RELN: variants seen among roughly 807,000 people sequenced by gnomAD.
RELN encodes the protein reelin.
A neutral mutation model predicts 427.6 loss-of-function variants in RELN; 108 were observed. The observed-to-expected ratio is 0.25, with a 90% CI of 0.22 to 0.30. The LOEUF (loss-of-function observed/expected upper bound fraction) is 0.30. Among genes scored for constraint, RELN ranks in the 10% least tolerant of loss-of-function variants. RELN has a pLI of 1.00. For missense variants in RELN, 3,715 were observed against 4,302.8 expected (o/e 0.86, Z 3.82); for synonymous variants, 1,524 against 1,513.4 (o/e 1.01, Z -0.16).
intron 36 of RELN, among the ~76,000 whole-genome samples, chr7:103,558,695 C>G (rs1830577380): frequency 6.6e-6 from 1 of 152,150 alleles, no homozygotes; most frequent in African/African-American, 2.4e-5. Context: ...TTCTGGTTGC[C>G]TAGGATTGAC....
rs1794957508 is a variant in RELN at position 103,896,247 on chromosome 7, A to AT, written c.337+20827dup. Reference sequence around the variant, plus strand: ...TGGTGAGTGTGTTAAAAGGTACACCATTTTGAAAAAGAAGTCTGGTAGTTT... The same window carrying AT: ...TGGTGAGTGTGTTAAAAGGTACACCATTTTTGAAAAAGAAGTCTGGTAGTTT... On this transcript the variant is annotated intron_variant, in intron 2 of 64. Coordinates refer to ENST00000428762, the MANE Select transcript of RELN (RefSeq NM_005045.4). Among the ~76,000 whole-genome samples, 4 of 152,222 alleles carry AT rather than the reference A, an allele frequency of 2.6e-5. No homozygotes were observed. The South Asian group carries it at 8.3e-4, about 32-fold the overall frequency.
chr7:103,783,563 T>C (rs988152121), intron 3 of RELN, among the ~76,000 whole-genome samples: 1 of 152,218 alleles, frequency 6.6e-6, no homozygotes, highest in Admixed American at 6.5e-5. Flanking sequence ...AAATACTTTA[T>C]CTCCTTGAAA....
chr7:103,515,092 G>A (rs1829526800), intron 50 of RELN, 93 bp downstream of exon 50: 19 of 1,498,066 alleles, frequency 1.3e-5, no homozygotes, highest in Non-Finnish European at 1.8e-5. Context: ...TGGAACATCT[G>A]AAAAGGTTCC....
At chr7:103,589,944 G>T (rs1343058079) in intron 27 of RELN, 116 bp from the exon 28 acceptor site, 14 of 719,268 alleles carry the variant, frequency 1.9e-5, no homozygotes, top group Non-Finnish European at 3.3e-5. Context: ...AATTTACAAT[G>T]ATAGGAATTG....
At chr7:103,619,635 G>A (rs923082178) in intron 20 of RELN, among the ~76,000 whole-genome samples, 16 of 152,198 alleles carry the variant, frequency 1.1e-4, no homozygotes, top group Admixed American at 5.2e-4. Flanking sequence ...GAAAATGCGC[G>A]TCAGCTGGAG....
At chr7:103,812,045 T>C (rs1315296363) in intron 3 of RELN, among the ~76,000 whole-genome samples, 1 of 152,202 alleles carries the variant, frequency 6.6e-6, no homozygotes, top group Non-Finnish European at 1.5e-5. Flanking sequence ...TAAAAATAGA[T>C]AGCTGTGGCC....
chr7:103,579,324 C>T (rs909103100), intron 28 of RELN, among the ~76,000 whole-genome samples: 24 of 152,132 alleles, frequency 1.6e-4, no homozygotes, highest in Admixed American at 1.4e-3. Flanking sequence ...ATAGGCCAGG[C>T]GCAGTGGCTC....
chr7:103,676,829 A>G (rs1196249939), intron 11 of RELN, among the ~76,000 whole-genome samples: 1 of 151,888 alleles, frequency 6.6e-6, no homozygotes. Flanking sequence ...CATAGATGGG[A>G]ATTGAACAAT....
At chr7:103,506,626 A>T (rs1455888924) in intron 51 of RELN, among the ~76,000 whole-genome samples, 1 of 142,222 alleles carries the variant, frequency 7.0e-6, no homozygotes, top group Non-Finnish European at 1.5e-5. Flanking sequence ...TGTAAAGACC[A>T]TTGATGCTTT....
chr7:103,503,252 TC>T, intron 51 of RELN, 22 bp from the exon 52 acceptor site: 1 of 1,605,922 alleles, frequency 6.2e-7, no homozygotes, highest in African/African-American at 1.3e-5. Context: ...AAAAACAAGA[TC>T]AAGGTATTAA....
chr7:103,526,378 T>C (rs1829822614), intron 46 of RELN, among the ~76,000 whole-genome samples: 1 of 152,178 alleles, frequency 6.6e-6, no homozygotes, highest in Admixed American at 6.5e-5. Flanking sequence ...GGAGCAAAGA[T>C]AAGTGAGGGC....
chr7:103,715,849 A>G (rs10247439), intron 8 of RELN, among the ~76,000 whole-genome samples: 110,069 of 152,120 alleles, frequency 0.72, 40,483 homozygotes, highest in African/African-American at 0.85. Context: ...CATGAAACAC[A>G]AGGAAGAGAA....
At chr7:103,893,049 C>T (rs1166774010) in intron 2 of RELN, among the ~76,000 whole-genome samples, 6 of 152,150 alleles carry the variant, frequency 3.9e-5, no homozygotes, top group Non-Finnish European at 5.9e-5. Context: ...ATTCTCAGTA[C>T]AGTCCAAGTT....
At chr7:103,828,569 ATAT>A in intron 3 of RELN, among the ~76,000 whole-genome samples, 1 of 144,294 alleles carries the variant, frequency 6.9e-6, no homozygotes, top group African/African-American at 2.5e-5. Context: ...TTTAATCCTA[ATAT>A]TATGCTAGTA....
At chr7:103,862,852 A>C (rs1487071448) in intron 2 of RELN, among the ~76,000 whole-genome samples, 1 of 152,070 alleles carries the variant, frequency 6.6e-6, no homozygotes, top group Non-Finnish European at 1.5e-5. Flanking sequence ...GATTTGTTGC[A>C]AAATAGGCAG....
At position 103,535,397 on chromosome 7, in the gene RELN, C is replaced by T. The variant is rs140660860; in HGVS notation, c.7268G>A (p.Arg2423His). 1.4e-4 allele frequency: 226 copies of T among 1,613,846 alleles called. 1 individual carries two copies. Among genetic ancestry groups the T allele is most frequent in the Non-Finnish European group, 1.8e-4 (218 of 1,179,910 alleles). Reference protein sequence around the residue: ...DCLPTNVECSRYHLQRILVSD... With the variant: ...DCLPTNVECSHYHLQRILVSD... ...CACCAGGATCCGTTGCAGATGATAG[C>T]GACTGCATTCCACATTGGTAGGCAG... is the stretch of plus-strand genomic sequence containing the variant. The change falls in exon 46 of 65, where the codon CGC becomes CAC. Residue 2423 changes from arginine (R) to histidine (H), a missense_variant. Arg to His is a conservative substitution (Grantham distance 29, BLOSUM62 0). This residue lies in a region of RELN where 1,310 missense variants were observed against 1,643.0 expected (regional missense o/e 0.80). Transcript: ENST00000428762.
At chr7:103,985,326 T>C (rs1274235460) in intron 1 of RELN, among the ~76,000 whole-genome samples, 1 of 152,208 alleles carries the variant, frequency 6.6e-6, no homozygotes, top group Non-Finnish European at 1.5e-5. Context: ...TACTTCTCAT[T>C]GTTAATGGAA....
At chr7:103,812,232 C>T (rs144235229) in intron 3 of RELN, among the ~76,000 whole-genome samples, 9 of 152,232 alleles carry the variant, frequency 5.9e-5, no homozygotes, top group African/African-American at 2.2e-4. Flanking sequence ...GTCAGCACTC[C>T]CCTAAGCATC....
intron 51 of RELN, among the ~76,000 whole-genome samples, chr7:103,508,217 C>A (rs1451567058): frequency 6.6e-6 from 1 of 152,134 alleles, no homozygotes; most frequent in Non-Finnish European, 1.5e-5. Flanking sequence ...CAAAACCTGG[C>A]AGAGACACCA....
Sources: allele counts gnomAD v4.1 joint callset (sites outside exome capture counted in the v4.1 genomes callset), GRCh38; gene constraint gnomAD v4.1.1; regional missense constraint gnomAD v4.1.1; transcripts MANE v1.5; gene names NCBI Gene and HGNC (gene_info 2026-07-23, HGNC 2026-07-21).